FAM111B: variants seen among roughly 807,000 people sequenced by gnomAD.
FAM111B encodes FAM111 trypsin like peptidase B.
In FAM111B, 1 loss-of-function variant was observed where a neutral mutation model predicts 2.8. The ratio of observed to expected loss-of-function variants is 0.36; its 90% CI spans 0.13 to 1.70. The LOEUF (loss-of-function observed/expected upper bound fraction) is 1.70, where lower values mean the gene tolerates loss of function less well. Among genes scored for constraint, FAM111B ranks in the 40% most tolerant of loss-of-function variants. The probability of loss-of-function intolerance (pLI) is 0.35; values close to 1 mark genes in which losing one functional copy is unlikely to be tolerated. For synonymous variants in FAM111B, 297 were observed against 295.6 expected (o/e 1.00, Z -0.05); for missense variants, 882 against 878.9 (o/e 1.00, Z -0.04).
rs1860032616 is a variant in FAM111B at position 59,126,250 on chromosome 11, G to A, written c.2153G>A (p.Gly718Asp). ...EKLETYDEEK[G>D]KQESSLQDHQ... ...CTTGAGACCTACGATGAAGAGAAAG[G>A]TAAACAAGAGTCATCACTTCAAGAT... The change falls in exon 4 of 4, where the codon GGT (glycine) becomes GAT (aspartate). Residue 718 changes from glycine to aspartate, a missense_variant. By Grantham distance (94) the Gly-to-Asp change is moderately conservative. Coordinates refer to ENST00000343597, the MANE Select transcript of FAM111B (RefSeq NM_198947.4). The A allele has an allele frequency of 6.3e-7, 1 of 1,585,640 alleles. No individual in the cohort carries two copies. The highest frequency in any genetic ancestry group is 8.5e-7 in the Non-Finnish European group (1 of 1,170,580).
At chr11:59,115,480 G>T (rs1458929975) in intron 3 of FAM111B, among the ~76,000 whole-genome samples, 1 of 152,198 alleles carries the variant, frequency 6.6e-6, no homozygotes, top group Non-Finnish European at 1.5e-5. Context: ...CCATGCAATA[G>T]AAATTGACAC....
chr11:59,114,970 G>T lies in FAM111B; in HGVS notation c.81+5264G>T, dbSNP rs184012940. 9.0e-4 allele frequency among the ~76,000 whole-genome samples: 137 copies of T among 152,272 alleles called. 2 individuals carry two copies. The highest frequency in any genetic ancestry group is 3.1e-3 in the African/African-American group (130 of 41,550). ...GGTGAGTCCTAGATGGAAATATCTA[G>T]AGGAACAACATTGAAGATAGAGAAA... On this transcript the variant is annotated intron_variant, in intron 3 of 3. Coordinates refer to ENST00000343597, the MANE Select transcript of FAM111B (RefSeq NM_198947.4).
Position 59,126,198 on chromosome 11 carries a change from T to A in FAM111B, c.2101T>A (p.Leu701Met). ...LCDIKKTNESLYKSLNDEKLE... is the reference protein window; with the variant it reads ...LCDIKKTNESMYKSLNDEKLE... ...TGATATTAAAAAGACAAATGAGAGC[T>A]TGTATAAATCATTAAATGATGAGAA... Residue 701 changes from leucine (L) to methionine (M), a missense_variant, in exon 4 of 4, where the codon TTG becomes ATG. Transcript: ENST00000343597. 4 of 1,609,970 alleles carry A rather than the reference T, an allele frequency of 2.5e-6. No homozygotes were observed. Among genetic ancestry groups the A allele is most frequent in the Non-Finnish European group, 3.4e-6 (4 of 1,178,808 alleles).
intron 3 of FAM111B, among the ~76,000 whole-genome samples, chr11:59,120,046 G>T (rs898663017): frequency 3.3e-5 from 5 of 152,054 alleles, no homozygotes; most frequent in Admixed American, 6.5e-5. Flanking sequence ...ATCAGAAAAT[G>T]TAATCATCAA....
chr11:59,108,551 G>T (rs1157653164), intron 1 of FAM111B, 117 bp from the exon 2 acceptor site: 1 of 162,522 alleles, frequency 6.2e-6, no homozygotes, highest in Non-Finnish European at 1.4e-5. Context: ...GTCTGCTAAA[G>T]TGGATTATAG....
In FAM111B at chr11:59,124,502, G is replaced by A; in HGVS notation, c.405G>A (p.Lys135=). The A allele has an allele frequency of 6.2e-7, 1 of 1,613,126 alleles. No individual in the cohort carries two copies. The highest frequency in any genetic ancestry group is 8.5e-7 in the Non-Finnish European group (1 of 1,179,482). ...FNKNIIVYEE[K]TIDGHINLGM... ...AGAACATTATTGTTTATGAAGAAAAGACAATAGATGGACATATAAATTTAG... is the reference window on the plus strand; with the variant it reads ...AGAACATTATTGTTTATGAAGAAAAAACAATAGATGGACATATAAATTTAG... The change falls in exon 4 of 4, where the codon AAG becomes AAA. Residue 135 remains lysine, a synonymous_variant. Transcript: ENST00000343597.
chr11:59,125,322 G>T lies in FAM111B; in HGVS notation c.1225G>T (p.Ala409Ser). The T allele has an allele frequency of 6.2e-7, 1 of 1,613,962 alleles. No individual in the cohort carries two copies. Among genetic ancestry groups the T allele is most frequent in the Non-Finnish European group, 8.5e-7 (1 of 1,179,856 alleles). The change falls in exon 4 of 4, where the codon GCA (alanine) becomes TCA (serine). Residue 409 changes from alanine to serine, a missense_variant. Coordinates refer to ENST00000343597, the MANE Select transcript of FAM111B (RefSeq NM_198947.4). ...MHQYPNFKEE[A>S]QWVRKYFREE... The stretch of plus-strand genomic sequence containing the variant: ...TCAGTATCCGAATTTTAAAGAGGAG[G>T]CACAGTGGGTAAGAAAATATTTTCG...
rs928068541 is a variant in FAM111B at position 59,125,945 on chromosome 11, C to T, written c.1848C>T (p.Thr616=). ...ATGGGTTGGTAGATCTCTATGATACCACCAGTAATGTATACTGTATGTTTA... is the reference window on the plus strand; with the variant it reads ...ATGGGTTGGTAGATCTCTATGATACTACCAGTAATGTATACTGTATGTTTA... The part of the protein sequence containing the change: ...CQDGLVDLYD[T]TSNVYCMFTQ... The change falls in exon 4 of 4, where the codon ACC becomes ACT. Residue 616 remains threonine (T), a synonymous_variant. Transcript: ENST00000343597. 4 of 1,613,748 alleles carry T rather than the reference C, an allele frequency of 2.5e-6. No homozygotes were observed. Among genetic ancestry groups the T allele is most frequent in the Non-Finnish European group, 3.4e-6 (4 of 1,179,786 alleles).
intron 3 of FAM111B, among the ~76,000 whole-genome samples, chr11:59,111,797 G>C (rs771509630): frequency 3.9e-5 from 6 of 152,122 alleles, no homozygotes; most frequent in Admixed American, 3.9e-4. Flanking sequence ...CAAACTGTTC[G>C]TCTAGAAAAT....
Position 59,109,618 on chromosome 11 carries a change from A to C in FAM111B, c.-8A>C. On this transcript the variant is annotated 5_prime_UTR_variant, in exon 3 of 4. Coordinates refer to ENST00000343597, the MANE Select transcript of FAM111B (RefSeq NM_198947.4). ...GTAGAAGTTAGTTACATTCTCTTTG[A>C]ACTCATCATGAATTCCATGAAGACT... 7.5e-6 allele frequency: 12 copies of C among 1,592,552 alleles called. No individual in the cohort carries two copies. Among genetic ancestry groups the C allele is most frequent in the Non-Finnish European group, 1.0e-5 (12 of 1,163,456 alleles).
rs752928891 is a variant in FAM111B, at chr11:59,126,545, TTAAC to T, written c.*244_*247del. 14 of 337,314 alleles carry T rather than the reference TTAAC, an allele frequency of 4.2e-5. No individual in the cohort carries two copies. The highest frequency in any genetic ancestry group is 6.4e-5 in the Non-Finnish European group (12 of 187,920). 20.9% of individuals were successfully genotyped at this position (337,314 alleles called of 1,614,324 possible). A position where few individuals can be genotyped will look rare whatever the true frequency, so the allele number is the denominator to read the frequency against. Reference sequence around the variant, plus strand: ...AGAATCCATTAGGAACTTAAACAGATTAACAAGCAAAAAAAACAAGCAACCCCAT... The same window carrying T: ...AGAATCCATTAGGAACTTAAACAGATAAGCAAAAAAAACAAGCAACCCCAT... On this transcript the variant is annotated 3_prime_UTR_variant, in exon 4 of 4. Coordinates refer to ENST00000343597, the MANE Select transcript of FAM111B (RefSeq NM_198947.4).
chr11:59,121,287 C>T (rs1161998797), intron 3 of FAM111B, among the ~76,000 whole-genome samples: 1 of 151,800 alleles, frequency 6.6e-6, no homozygotes, highest in African/African-American at 2.4e-5. Flanking sequence ...AAAAATAATC[C>T]AGTATAAAAA....
At position 59,125,804 on chromosome 11, in the gene FAM111B, A is replaced by G. The variant is rs746248541; in HGVS notation, c.1707A>G (p.Pro569=). 13 of 1,613,784 alleles carry G rather than the reference A, an allele frequency of 8.1e-6. No homozygotes were observed. Among genetic ancestry groups the G allele is most frequent in the Admixed American group, 3.3e-5 (2 of 59,974 alleles). The change falls in exon 4 of 4, where the codon CCA becomes CCG. Residue 569 remains proline (P), a synonymous_variant. Transcript: ENST00000343597. ...PGLWRQISPQ[P]STGLIYLIGH... is the part of the protein sequence containing the mutation. ...TATGGCGACAGATTTCTCCTCAACC[A>G]TCTACTGGTTTGATTTATTTAATTG... is the stretch of plus-strand genomic sequence containing the variant.
chr11:59,122,675 C>A (rs1174313151), intron 3 of FAM111B, among the ~76,000 whole-genome samples: 2 of 152,074 alleles, frequency 1.3e-5, no homozygotes, highest in Non-Finnish European at 2.9e-5. Flanking sequence ...GAGTGAAATG[C>A]CTCTGACATA....
Position 59,126,302 on chromosome 11 carries a change from G to C in FAM111B, c.2205G>C (p.Ter735TyrextTer12). 6.6e-7 allele frequency: 1 copy of C among 1,506,498 alleles called. No individual in the cohort carries two copies. The highest frequency in any genetic ancestry group is 1.4e-5 in the South Asian group (1 of 70,546). The allele number at this position is 1,506,498 out of a possible 1,614,324, so 93.3% of individuals were successfully genotyped here. ...QDHQIEPMEC[*>Y] ...ATCAGATTGAACCCATGGAATGTTA[G>C]AAAAGAGATGCTGTCTTCAAGAAAA... The change falls in exon 4 of 4, where the codon TAG becomes TAC. Residue 735 changes from the stop codon to tyrosine, a stop_lost. Coordinates refer to ENST00000343597, the MANE Select transcript of FAM111B (RefSeq NM_198947.4).
intron 3 of FAM111B, among the ~76,000 whole-genome samples, chr11:59,119,377 A>G (rs969641452): frequency 2.6e-5 from 4 of 152,078 alleles, no homozygotes. Flanking sequence ...TAGAGTTTGC[A>G]TCATTGTTTT....
chr11:59,110,234 C>T (rs192459398), intron 3 of FAM111B, among the ~76,000 whole-genome samples: 50 of 152,150 alleles, frequency 3.3e-4, no homozygotes, highest in African/African-American at 1.2e-3. Flanking sequence ...AATGATAATA[C>T]AAAATTGAGA....
At chr11:59,110,178 G>T (rs1383002926) in intron 3 of FAM111B, among the ~76,000 whole-genome samples, 1 of 152,172 alleles carries the variant, frequency 6.6e-6, no homozygotes, top group African/African-American at 2.4e-5. Flanking sequence ...CCATCAGACT[G>T]CAGAGACTGG....
intron 3 of FAM111B, among the ~76,000 whole-genome samples, chr11:59,119,660 G>T (rs913957249): frequency 1.3e-5 from 2 of 152,066 alleles, no homozygotes; most frequent in African/African-American, 4.8e-5. Flanking sequence ...AAACATACCA[G>T]AAGTTTTCTT....
Sources: allele counts gnomAD v4.1 joint callset (sites outside exome capture counted in the v4.1 genomes callset), GRCh38; gene constraint gnomAD v4.1.1; transcripts MANE v1.5; gene names NCBI Gene and HGNC (gene_info 2026-07-23, HGNC 2026-07-21).